STAT4: variants seen among roughly 807,000 people sequenced by gnomAD.
STAT4 encodes signal transducer and activator of transcription 4.
STAT4 carries 42 observed loss-of-function variants against 110.5 expected under a neutral mutation model. The observed-to-expected ratio is 0.38, with a 90% CI of 0.30 to 0.49. The LOEUF is 0.49. Ranked by LOEUF, STAT4 falls within the 20% of genes least tolerant of loss-of-function variation. The pLI is 0.95. For missense variants in STAT4, 632 were observed against 887.9 expected (o/e 0.71, Z 3.66); for synonymous variants, 284 against 302.2 (o/e 0.94, Z 0.63).
At chr2:191,118,468 T>C (rs1698628135) in intron 3 of STAT4, among the ~76,000 whole-genome samples, 1 of 152,202 alleles carries the variant, frequency 6.6e-6, no homozygotes, top group African/African-American at 2.4e-5. Context: ...TCCCTGCAGG[T>C]AATCATACTA....
intron 3 of STAT4, among the ~76,000 whole-genome samples, chr2:191,127,160 A>G (rs1324437457): frequency 6.6e-6 from 1 of 152,114 alleles, no homozygotes; most frequent in African/African-American, 2.4e-5. Context: ...GAATTCTCCA[A>G]TATTCTTTTG....
intron 4 of STAT4, among the ~76,000 whole-genome samples, chr2:191,075,359 G>A (rs1697281663): frequency 6.6e-6 from 1 of 152,070 alleles, no homozygotes; most frequent in African/African-American, 2.4e-5. Flanking sequence ...AATTCATCCA[G>A]GAAAATGGGA....
intron 3 of STAT4, among the ~76,000 whole-genome samples, chr2:191,115,540 C>G (rs1698548203): frequency 6.6e-6 from 1 of 152,222 alleles, no homozygotes; most frequent in Non-Finnish European, 1.5e-5. Flanking sequence ...GAGAACTCTA[C>G]TGTTTTGAAA....
At chr2:191,136,985 G>T (rs1162488436) in intron 3 of STAT4, among the ~76,000 whole-genome samples, 5 of 151,770 alleles carry the variant, frequency 3.3e-5, no homozygotes. Flanking sequence ...AAATACTTGG[G>T]AATAAATTTA....
chr2:191,103,368 C>T (rs1698194240), intron 3 of STAT4, among the ~76,000 whole-genome samples: 1 of 152,098 alleles, frequency 6.6e-6, no homozygotes, highest in Non-Finnish European at 1.5e-5. Flanking sequence ...TATTCTTAGG[C>T]TTTAATGCTG....
chr2:191,118,879 T>C (rs770314256), intron 3 of STAT4, among the ~76,000 whole-genome samples: 1 of 152,138 alleles, frequency 6.6e-6, no homozygotes, highest in Non-Finnish European at 1.5e-5. Flanking sequence ...CCACCTCAGC[T>C]TCTCACGGAG....
At position 191,066,266 on chromosome 2, in the gene STAT4, G is replaced by A. The variant is rs951966144; in HGVS notation, c.630+164C>T. The stretch of plus-strand genomic sequence containing the variant: ...GGGTCCAGCATTGTAAACTCATGAA[G>A]AGAAGCATGGCAAACAGCGTGGGAC... On this transcript the variant is annotated intron_variant, in intron 7 of 23. Coordinates refer to ENST00000392320, the MANE Select transcript of STAT4 (RefSeq NM_003151.4). This position sits in a 1 kb window ranked among gnomAD's most constrained non-coding sequence, Gnocchi z 4.3. 1.3e-5 allele frequency among the ~76,000 whole-genome samples: 2 copies of A among 152,162 alleles called. No individual in the cohort carries two copies. The highest frequency in any genetic ancestry group is 6.6e-5 in the Admixed American group (1 of 15,264).
chr2:191,042,324 AAAAT>A lies in STAT4; in HGVS notation c.1252-1180_1252-1177del, dbSNP rs761395395. Among the ~76,000 whole-genome samples, 8 of 152,310 alleles carry A rather than the reference AAAAT, an allele frequency of 5.3e-5. No homozygotes were observed. Among genetic ancestry groups the A allele is most frequent in the Admixed American group, 1.3e-4 (2 of 15,292 alleles). The stretch of plus-strand genomic sequence containing the variant: ...AAACTCAGAGGAAAAGCAAAAAGTA[AAAAT>A]AAATAAATAAATAAAAGAATAAAAA... On this transcript the variant is annotated intron_variant, in intron 14 of 23. Coordinates refer to ENST00000392320, the MANE Select transcript of STAT4 (RefSeq NM_003151.4). The surrounding 1 kb of genome is among the most constrained non-coding windows in gnomAD (Gnocchi z 4.2).
At position 191,086,779 on chromosome 2, in the gene STAT4, T is replaced by G. The variant is rs1697646823; in HGVS notation, c.274-10454A>C. Among the ~76,000 whole-genome samples, 1 of 152,184 alleles carries G rather than the reference T, an allele frequency of 6.6e-6. No individual in the cohort carries two copies. Among genetic ancestry groups the G allele is most frequent in the Non-Finnish European group, 1.5e-5 (1 of 68,036 alleles). On this transcript the variant is annotated intron_variant, in intron 3 of 23. Coordinates refer to ENST00000392320, the MANE Select transcript of STAT4 (RefSeq NM_003151.4). This position sits in a 1 kb window ranked among gnomAD's most constrained non-coding sequence, Gnocchi z 5.5. The stretch of plus-strand genomic sequence containing the variant: ...GTTTCTGACTTGAAATTGCTAGAAA[T>G]TAGAACTGCTTTTCTTAAAGCTTCT...
intron 5 of STAT4, 48 bp from the exon 6 acceptor site, chr2:191,069,819 G>A: frequency 1.4e-6 from 2 of 1,440,594 alleles, no homozygotes; most frequent in Admixed American, 2.0e-5. Context: ...AATTAAGCAT[G>A]TCAATCAAAC....
chr2:191,032,927 A>C lies in STAT4; in HGVS notation c.2044+31T>G. ...GGTTATTTTCCAAAATCTTAAGGAA[A>C]AAAAAACAAAAACAAACAGAAAAAC... On this transcript the variant is annotated intron_variant, in intron 21 of 23. Transcript: ENST00000392320. The surrounding 1 kb of genome is among the most constrained non-coding windows in gnomAD (Gnocchi z 4.9). The C allele has an allele frequency of 6.4e-7, 1 of 1,573,562 alleles. No individual in the cohort carries two copies. Among genetic ancestry groups the C allele is most frequent in the East Asian group, 2.2e-5 (1 of 44,664 alleles).
rs2125443089 is a variant in STAT4, at chr2:191,140,335, C to T, written c.273+6278G>A. 6.6e-6 allele frequency among the ~76,000 whole-genome samples: 1 copy of T among 152,304 alleles called. No homozygotes were observed. Among genetic ancestry groups the T allele is most frequent in the Non-Finnish European group, 1.5e-5 (1 of 68,022 alleles). On this transcript the variant is annotated intron_variant, in intron 3 of 23. Coordinates refer to ENST00000392320, the MANE Select transcript of STAT4 (RefSeq NM_003151.4). This position sits in a 1 kb window ranked among gnomAD's most constrained non-coding sequence, Gnocchi z 4.4. The stretch of plus-strand genomic sequence containing the variant: ...CCCACAGCGTGGGAGAAAATATTTG[C>T]AAGCTATGTATCTGACAAAGGACTA...
rs1331811008 is a variant in STAT4, at chr2:191,104,470, GC to G, written c.274-28146del. ...ACCAAAAATATTAAATTCACAATAGGCATATGTGAAGAAGATTTTGCCACAC... is the reference window on the plus strand; with the variant it reads ...ACCAAAAATATTAAATTCACAATAGGATATGTGAAGAAGATTTTGCCACAC... On this transcript the variant is annotated intron_variant, in intron 3 of 23. Coordinates refer to ENST00000392320, the MANE Select transcript of STAT4 (RefSeq NM_003151.4). This position sits in a 1 kb window ranked among gnomAD's most constrained non-coding sequence, Gnocchi z 4.3. 6.6e-6 allele frequency among the ~76,000 whole-genome samples: 1 copy of G among 151,960 alleles called. No individual in the cohort carries two copies. Among genetic ancestry groups the G allele is most frequent in the African/African-American group, 2.4e-5 (1 of 41,382 alleles).
rs545034659 is a variant in STAT4 at position 191,107,339 on chromosome 2, T to C, written c.274-31014A>G. Among the ~76,000 whole-genome samples, 3 of 152,292 alleles carry C rather than the reference T, an allele frequency of 2.0e-5. No homozygotes were observed. The South Asian group carries it at 6.2e-4, about 32-fold the overall frequency. ...CAATTTTCCTGCCTGTTAACAATCT[T>C]AAAGAAAAATATTCATAAAATAATA... On this transcript the variant is annotated intron_variant, in intron 3 of 23. Transcript: ENST00000392320. The surrounding 1 kb of genome is among the most constrained non-coding windows in gnomAD (Gnocchi z 4.2).
chr2:191,120,402 C>T (rs955791713), intron 3 of STAT4, among the ~76,000 whole-genome samples: 11 of 152,024 alleles, frequency 7.2e-5, no homozygotes, highest in African/African-American at 2.7e-4. Context: ...GGAGACTCTG[C>T]CTCTACAAAA....
rs73981214 is a variant in STAT4, at chr2:191,034,509, A to G, written c.1620+39T>C. On this transcript the variant is annotated intron_variant, in intron 18 of 23. Coordinates refer to ENST00000392320, the MANE Select transcript of STAT4 (RefSeq NM_003151.4). ...GACTTAGAAAGGAACATTGTATTAAAAAAATGTATCTAAATGATGTTTCCC... is the reference window on the plus strand; with the variant it reads ...GACTTAGAAAGGAACATTGTATTAAGAAAATGTATCTAAATGATGTTTCCC... 2.1e-4 allele frequency: 325 copies of G among 1,536,536 alleles called. 1 individual carries two copies. In the African/African-American group the frequency reaches 4.0e-3, roughly 19 times the overall value.
In STAT4 at chr2:191,086,560, T is replaced by C. The variant is rs1697641510; in HGVS notation, c.274-10235A>G. Among the ~76,000 whole-genome samples, 1 of 152,174 alleles carries C rather than the reference T, an allele frequency of 6.6e-6. No homozygotes were observed. Reference sequence around the variant, plus strand: ...CAAATAAATTACTCCTGCTATGATGTTGTCTTTAGTAAAATTGGGGGATTG... The same window carrying C: ...CAAATAAATTACTCCTGCTATGATGCTGTCTTTAGTAAAATTGGGGGATTG... On this transcript the variant is annotated intron_variant, in intron 3 of 23. Transcript: ENST00000392320. The surrounding 1 kb of genome is among the most constrained non-coding windows in gnomAD (Gnocchi z 5.5).
At chr2:191,055,578 C>T (rs1028056551) in intron 13 of STAT4, among the ~76,000 whole-genome samples, 2 of 151,642 alleles carry the variant, frequency 1.3e-5, no homozygotes, top group African/African-American at 4.9e-5. Context: ...TGCTCTTGAT[C>T]TCTTGACCCT....
chr2:191,142,813 G>A lies in STAT4; in HGVS notation c.273+3800C>T, dbSNP rs942990913. Among the ~76,000 whole-genome samples, 8 of 152,254 alleles carry A rather than the reference G, an allele frequency of 5.3e-5. No individual in the cohort carries two copies. The South Asian group carries it at 1.2e-3, about 24-fold the overall frequency. The stretch of plus-strand genomic sequence containing the variant: ...AAGATCGGTAGTGTTCAGGGGCTCC[G>A]TGGGAAGCGAGAGAAGGATGAATAT... On this transcript the variant is annotated intron_variant, in intron 3 of 23. Coordinates refer to ENST00000392320, the MANE Select transcript of STAT4 (RefSeq NM_003151.4). This position sits in a 1 kb window ranked among gnomAD's most constrained non-coding sequence, Gnocchi z 4.1.
Sources: gnomAD v4.1 joint callset for allele counts (sites outside exome capture counted in the v4.1 genomes callset) on GRCh38, gnomAD v4.1.1 for gene constraint, Gnocchi (gnomAD v3.1) non-coding constraint, MANE v1.5 for transcripts, NCBI Gene and HGNC (gene_info 2026-07-23, HGNC 2026-07-21) for gene names.